ABRAXAS1: variants seen among roughly 807,000 people sequenced by gnomAD.
ABRAXAS1 encodes abraxas 1, BRCA1 A complex subunit.
In ABRAXAS1, 26 loss-of-function variants were observed where a neutral mutation model predicts 38.4. The ratio of observed to expected loss-of-function variants is 0.68; its 90% CI spans 0.50 to 0.94. ABRAXAS1 has a LOEUF of 0.94. Ranked by LOEUF, ABRAXAS1 falls within the 40% of genes least tolerant of loss-of-function variation. The pLI is 0.00. For missense variants in ABRAXAS1, 438 were observed against 481.9 expected (o/e 0.91, Z 0.85); for synonymous variants, 144 against 165.5 (o/e 0.87, Z 1.00).
intron 7 of ABRAXAS1, among the ~76,000 whole-genome samples, chr4:83,466,365 G>A (rs1278395297): frequency 6.6e-6 from 1 of 152,246 alleles, no homozygotes; most frequent in Middle Eastern, 3.4e-3. Context: ...AAGAAGAACT[G>A]ACACATGAAG....
chr4:83,480,267 G>A lies in ABRAXAS1; in HGVS notation c.178+1887C>T, dbSNP rs961433430. On this transcript the variant is annotated intron_variant, in intron 2 of 8. Transcript: ENST00000321945. ...TGTGCCTGTAATCCCAGCTACTCCG[G>A]AGGCCGAGGCAGGAGAATCGCTTGA... 7 of 330,966 alleles carry A rather than the reference G, an allele frequency of 2.1e-5. No homozygotes were observed. Among genetic ancestry groups the A allele is most frequent in the African/African-American group, 1.6e-4 (7 of 44,128 alleles). The allele number at this position is 330,966 out of a possible 1,614,324, so 20.5% of individuals were successfully genotyped here. A position where few individuals can be genotyped will look rare whatever the true frequency, so the allele number is the denominator to read the frequency against.
At chr4:83,482,476 A>C (rs1202711567) in intron 1 of ABRAXAS1, among the ~76,000 whole-genome samples, 10 of 152,240 alleles carry the variant, frequency 6.6e-5, no homozygotes, top group African/African-American at 2.2e-4. Flanking sequence ...TGGGAGGCCA[A>C]GGTGGGCAGA....
At chr4:83,475,825 A>G (rs1163597300) in intron 3 of ABRAXAS1, among the ~76,000 whole-genome samples, 5 of 152,220 alleles carry the variant, frequency 3.3e-5, no homozygotes, top group African/African-American at 4.8e-5. Flanking sequence ...AAAATACACA[A>G]TGTATTAGAG....
At chr4:83,465,317 A>AAAAAAAAAG (rs1560572240) in intron 7 of ABRAXAS1, among the ~76,000 whole-genome samples, 13 of 151,476 alleles carry the variant, frequency 8.6e-5, no homozygotes, top group African/African-American at 2.4e-4. Context: ...AAAAAAAAAA[A>AAAAAAAAAG]AAGAAGAAAC....
chr4:83,476,681 TGGAAGAAA>T lies in ABRAXAS1; in HGVS notation c.179-10_179-3del, dbSNP rs1722781852. ...AGCATGGAATATATTTCTGAATGTC[TGGAAGAAA>T]AGGATTTTTAGTTATGATTACATTA... On this transcript the variant is annotated splice_region_variant and splice_polypyrimidine_tract_variant and intron_variant, in intron 2 of 8. Coordinates refer to ENST00000321945, the MANE Select transcript of ABRAXAS1 (RefSeq NM_139076.3). The T allele has an allele frequency of 2.6e-6, 4 of 1,555,282 alleles. No homozygotes were observed. In the African/African-American group the frequency reaches 5.4e-5, roughly 21 times the overall value.
chr4:83,475,330 C>CT (rs1395844950), intron 3 of ABRAXAS1, among the ~76,000 whole-genome samples: 1 of 152,160 alleles, frequency 6.6e-6, no homozygotes, highest in South Asian at 2.1e-4. Flanking sequence ...CACTAAGCTC[C>CT]TTTTTTCTGT....
chr4:83,474,908 G>A (rs1322778621), intron 3 of ABRAXAS1, among the ~76,000 whole-genome samples: 2 of 152,008 alleles, frequency 1.3e-5, no homozygotes, highest in African/African-American at 2.4e-5. Context: ...CTGTGGTCTT[G>A]GTTAAATCAT....
intron 6 of ABRAXAS1, 54 bp downstream of exon 6, chr4:83,468,978 A>G (rs1416846475): frequency 1.3e-6 from 2 of 1,583,008 alleles, no homozygotes; most frequent in African/African-American, 2.7e-5. Flanking sequence ...GAGAAATAAG[A>G]AAATTAATTT....
In ABRAXAS1 at chr4:83,469,029, T is replaced by C. The variant is rs1722484259; in HGVS notation, c.596+3A>G. 1.9e-6 allele frequency: 3 copies of C among 1,611,066 alleles called. No homozygotes were observed. The highest frequency in any genetic ancestry group is 4.5e-5 in the East Asian group (2 of 44,876). ...GTTTTGTGAGAAAGCAGTTGAATCT[T>C]ACCTGTGTGTTTGTACTGCTCGGCT... is the stretch of plus-strand genomic sequence containing the variant. On this transcript the variant is annotated splice_donor_region_variant and intron_variant, in intron 6 of 8. Transcript: ENST00000321945.
At chr4:83,469,644 G>C (rs545522064) in intron 5 of ABRAXAS1, 1 of 158,832 alleles carries the variant, frequency 6.3e-6, no homozygotes, top group South Asian at 1.8e-4. Context: ...TGGAAAAACA[G>C]TTTAATGGCT....
rs768744960 is a variant in ABRAXAS1 at position 83,469,199 on chromosome 4, T to C, written c.477-48A>G. The C allele has an allele frequency of 7.2e-6, 11 of 1,527,246 alleles. No individual in the cohort carries two copies. In the East Asian group the frequency reaches 1.8e-4, roughly 25 times the overall value. 94.6% of individuals were successfully genotyped at this position (1,527,246 alleles called of 1,614,324 possible). On this transcript the variant is annotated intron_variant, in intron 5 of 8. Transcript: ENST00000321945. ...TATAAACTTAGAATGAAAAGAAAGA[T>C]TAGTATCTACCTGCTGGAATAGATT...
chr4:83,474,728 A>T (rs529908463), intron 3 of ABRAXAS1, among the ~76,000 whole-genome samples: 92 of 145,990 alleles, frequency 6.3e-4, no homozygotes, highest in African/African-American at 2.6e-3. Flanking sequence ...AAAAAAAAAA[A>T]AGTAGTAAAC....
rs1308024879 is a variant in ABRAXAS1 at position 83,461,673 on chromosome 4, A to G, written c.*796T>C. On this transcript the variant is annotated 3_prime_UTR_variant, in exon 9 of 9. Transcript: ENST00000321945. Reference sequence around the variant, plus strand: ...TTACACCTAATAGACATTGAATATGATAGACATACATGTATATATGTATCA... The same window carrying G: ...TTACACCTAATAGACATTGAATATGGTAGACATACATGTATATATGTATCA... 3 of 257,840 alleles carry G rather than the reference A, an allele frequency of 1.2e-5. No homozygotes were observed. Among genetic ancestry groups the G allele is most frequent in the Non-Finnish European group, 2.3e-5 (3 of 131,698 alleles). The allele number at this position is 257,840 out of a possible 1,614,324, so 16.0% of individuals were successfully genotyped here. A position where few individuals can be genotyped will look rare whatever the true frequency, so the allele number is the denominator to read the frequency against.
intron 2 of ABRAXAS1, among the ~76,000 whole-genome samples, chr4:83,477,279 G>C (rs1329431977): frequency 1.3e-5 from 2 of 152,072 alleles, no homozygotes; most frequent in African/African-American, 2.4e-5. Flanking sequence ...GATACTTTGG[G>C]CGGCACGCTA....
Position 83,461,046 on chromosome 4 carries a change from C to A in ABRAXAS1, c.*1423G>T. On this transcript the variant is annotated 3_prime_UTR_variant, in exon 9 of 9. Transcript: ENST00000321945. ...CTCAAATAATGGGTAAGAAAGAATA[C>A]CTCAACAACTGAATTGAGCTAGCTG... The A allele has an allele frequency of 6.2e-7, 1 of 1,612,112 alleles. No homozygotes were observed. The highest frequency in any genetic ancestry group is 8.5e-7 in the Non-Finnish European group (1 of 1,178,638).
intron 5 of ABRAXAS1, 59 bp from the exon 6 acceptor site, chr4:83,469,210 C>T (rs1468323293): frequency 1.4e-6 from 2 of 1,447,722 alleles, no homozygotes; most frequent in Non-Finnish European, 1.9e-6. Context: ...TAGTATCTAC[C>T]TGCTGGAATA....
chr4:83,475,369 AC>A (rs1560577046), intron 3 of ABRAXAS1, among the ~76,000 whole-genome samples: 1 of 152,184 alleles, frequency 6.6e-6, no homozygotes, highest in African/African-American at 2.4e-5. Context: ...TCTCACCTTA[AC>A]CATATGCTCC....
chr4:83,461,547 A>G lies in ABRAXAS1; in HGVS notation c.*922T>C. 1 of 326,314 alleles carries G rather than the reference A, an allele frequency of 3.1e-6. No homozygotes were observed. Among genetic ancestry groups the G allele is most frequent in the South Asian group, 5.1e-5 (1 of 19,644 alleles). The allele number at this position is 326,314 out of a possible 1,614,324, so 20.2% of individuals were successfully genotyped here. A position where few individuals can be genotyped will look rare whatever the true frequency, so the allele number is the denominator to read the frequency against. On this transcript the variant is annotated 3_prime_UTR_variant, in exon 9 of 9. Transcript: ENST00000321945. Reference sequence around the variant, plus strand: ...GTTAAGATATCTTCCCTTTGTAGAAATGTTACATTGGGATGGATAGTGGTG... The same window carrying G: ...GTTAAGATATCTTCCCTTTGTAGAAGTGTTACATTGGGATGGATAGTGGTG...
At position 83,461,019 on chromosome 4, in the gene ABRAXAS1, A is replaced by G. The variant is rs570659348; in HGVS notation, c.*1450T>C. ...AAGAAATCACAAAAGCAATTAAGAG[A>G]GCTCAAATAATGGGTAAGAAAGAAT... On this transcript the variant is annotated 3_prime_UTR_variant, in exon 9 of 9. Transcript: ENST00000321945. 2.2e-4 allele frequency: 356 copies of G among 1,612,130 alleles called. 2 individuals are homozygous for G. The South Asian group carries it at 3.7e-3, about 17-fold the overall frequency.
Sources: gnomAD v4.1 joint callset for allele counts (sites outside exome capture counted in the v4.1 genomes callset) on GRCh38, gnomAD v4.1.1 for gene constraint, MANE v1.5 for transcripts, NCBI Gene and HGNC (gene_info 2026-07-23, HGNC 2026-07-21) for gene names.